SBNO1: variants seen among roughly 807,000 people sequenced by gnomAD.
SBNO1 encodes the protein protein strawberry notch homolog 1.
SBNO1 carries 23 observed loss-of-function variants against 173.6 expected under a neutral mutation model. The observed-to-expected ratio is 0.13, with a 90% CI of 0.10 to 0.19. The LOEUF (loss-of-function observed/expected upper bound fraction) is 0.19, where lower values mean the gene tolerates loss of function less well. Ranked by LOEUF, SBNO1 falls within the 10% of genes least tolerant of loss-of-function variation. SBNO1 has a pLI of 1.00. For missense variants in SBNO1, 1,238 were observed against 1,671.2 expected (o/e 0.74, Z 4.52); for synonymous variants, 632 against 571.5 (o/e 1.11, Z -1.51).
intron 1 of SBNO1, among the ~76,000 whole-genome samples, chr12:123,358,541 C>G (rs1048909293): frequency 4.0e-5 from 6 of 151,694 alleles, no homozygotes; most frequent in Admixed American, 3.3e-4. Context: ...ATCATGAGGT[C>G]AGGAGATAGA....
chr12:123,345,163 G>A (rs1054875425), intron 4 of SBNO1, 95 bp downstream of exon 4: 29 of 1,055,878 alleles, frequency 2.7e-5, no homozygotes, highest in Non-Finnish European at 3.7e-5. Context: ...CCCTTTTATG[G>A]CCAGTTCTTT....
intron 24 of SBNO1, among the ~76,000 whole-genome samples, chr12:123,313,299 TA>T (rs1868849235): frequency 6.7e-6 from 1 of 150,340 alleles, no homozygotes. Flanking sequence ...AATAAATAAA[TA>T]AATAAATAAT....
chr12:123,311,753 T>C (rs1427873380), intron 24 of SBNO1, among the ~76,000 whole-genome samples: 1 of 149,170 alleles, frequency 6.7e-6, no homozygotes, highest in African/African-American at 2.5e-5. Flanking sequence ...TATATATTTT[T>C]GCGACAGAGT....
Position 123,315,400 on chromosome 12 carries a change from A to G in SBNO1, c.3093T>C (p.Asp1031=), listed in dbSNP as rs773314807. ...TATTATCAAAGTTGAACCTGCTCAG[A>G]TCTCTAGATTCTGTTGCCCTTCTAT... ...HGDRRATESR[D]LSRFNFDNKY... Residue 1031 remains aspartate, a synonymous_variant, in exon 23 of 32, where the codon GAT becomes GAC. Transcript: ENST00000602398. 6 of 1,613,028 alleles carry G rather than the reference A, an allele frequency of 3.7e-6. No homozygotes were observed. In the Admixed American group the frequency reaches 1.0e-4, roughly 27 times the overall value.
In SBNO1 at chr12:123,295,043, A is replaced by G. The variant is rs1228974212; in HGVS notation, c.*865T>C. 2.6e-5 allele frequency: 4 copies of G among 152,226 alleles called. No individual in the cohort carries two copies. Among genetic ancestry groups the G allele is most frequent in the Non-Finnish European group, 5.9e-5 (4 of 68,046 alleles). 9.4% of individuals were successfully genotyped at this position (152,226 alleles called of 1,614,324 possible). On this transcript the variant is annotated 3_prime_UTR_variant, in exon 32 of 32. Transcript: ENST00000602398. ...CCAATTTGTACTTCCTTCTAAAACT[A>G]CCTTTAAGTTGCAAATGTAAATTTA... is the stretch of plus-strand genomic sequence containing the variant.
intron 1 of SBNO1, chr12:123,364,350 G>A (rs1362495007): frequency 1.0e-6 from 1 of 985,582 alleles, no homozygotes; most frequent in Non-Finnish European, 1.2e-6. Flanking sequence ...AAGCCAAAGG[G>A]GCGAACCCAG....
Position 123,319,941 on chromosome 12 carries a change from G to C in SBNO1, c.2758C>G (p.Leu920Val). ...AATCGTTGTTTTTCTGTGATGTTTAGTATTTCCACAGGCACATCAAGTTCA... is the reference window on the plus strand; with the variant it reads ...AATCGTTGTTTTTCTGTGATGTTTACTATTTCCACAGGCACATCAAGTTCA... ...RSELDVPVEI[L>V]NITEKQRFMD... The change falls in exon 20 of 32, where the codon CTA becomes GTA. Residue 920 changes from leucine to valine, a missense_variant. Physicochemically the swap from Leu to Val is conservative, Grantham distance 32 (BLOSUM62 1). Transcript: ENST00000602398. 1 of 1,613,768 alleles carries C rather than the reference G, an allele frequency of 6.2e-7. No individual in the cohort carries two copies.
At chr12:123,342,561 AG>A (rs1872691620) in intron 4 of SBNO1, among the ~76,000 whole-genome samples, 1 of 152,242 alleles carries the variant, frequency 6.6e-6, no homozygotes, top group Non-Finnish European at 1.5e-5. Context: ...TATTTCTAGA[AG>A]AAGAAAAATC....
At chr12:123,361,072 C>T (rs1593428609) in intron 1 of SBNO1, among the ~76,000 whole-genome samples, 1 of 152,112 alleles carries the variant, frequency 6.6e-6, no homozygotes, top group South Asian at 2.1e-4. Flanking sequence ...GGTAAAACCT[C>T]GTCTCTGCTA....
intron 1 of SBNO1, among the ~76,000 whole-genome samples, chr12:123,362,487 C>T (rs1875436309): frequency 7.3e-6 from 1 of 137,082 alleles, no homozygotes; most frequent in Admixed American, 7.7e-5. Flanking sequence ...ACGGGGGGGC[C>T]AAGGGCGGTG....
At chr12:123,358,439 T>C (rs764024370) in intron 1 of SBNO1, among the ~76,000 whole-genome samples, 1 of 152,144 alleles carries the variant, frequency 6.6e-6, no homozygotes, top group Non-Finnish European at 1.5e-5. Context: ...TTTGTCACAA[T>C]TTATAAACCA....
At position 123,317,353 on chromosome 12, in the gene SBNO1, T is replaced by G; in HGVS notation, c.2803A>C (p.Ile935Leu). Reference protein sequence around the residue: ...KQRFMDGDKNIAIISEAASSG... With the variant: ...KQRFMDGDKNLAIISEAASSG... Reference sequence around the variant, plus strand: ...CTGGCAGCTTCTGAGATGATAGCAATATTCTGTGTCAAATATAAGAAAAAT... The same window carrying G: ...CTGGCAGCTTCTGAGATGATAGCAAGATTCTGTGTCAAATATAAGAAAAAT... The change falls in exon 21 of 32, where the codon ATT becomes CTT. Residue 935 changes from isoleucine (I) to leucine (L), a missense_variant. Around this residue, in one of 14 missense-constraint regions of SBNO1, gnomAD observed 45 missense variants for 85.5 expected, o/e 0.53. Transcript: ENST00000602398. 1 of 1,613,962 alleles carries G rather than the reference T, an allele frequency of 6.2e-7. No individual in the cohort carries two copies. The highest frequency in any genetic ancestry group is 8.5e-7 in the Non-Finnish European group (1 of 1,179,946).
intron 4 of SBNO1, among the ~76,000 whole-genome samples, chr12:123,341,452 A>T (rs1872555191): frequency 6.6e-6 from 1 of 152,204 alleles, no homozygotes; most frequent in Non-Finnish European, 1.5e-5. Context: ...TGTCTAAAAA[A>T]ATAAAAATAA....
At chr12:123,326,623 G>A (rs1257945012) in intron 13 of SBNO1, among the ~76,000 whole-genome samples, 1 of 152,136 alleles carries the variant, frequency 6.6e-6, no homozygotes, top group Admixed American at 6.5e-5. Flanking sequence ...TGGACAATCT[G>A]AAATATAAGA....
intron 1 of SBNO1, among the ~76,000 whole-genome samples, chr12:123,362,185 C>T (rs1875345299): frequency 6.6e-6 from 1 of 151,214 alleles, no homozygotes; most frequent in East Asian, 1.9e-4. Flanking sequence ...GCCTGCAATC[C>T]CAGCACTTTG....
chr12:123,297,694 C>T (rs1050548729), intron 31 of SBNO1, among the ~76,000 whole-genome samples: 9 of 152,154 alleles, frequency 5.9e-5, no homozygotes, highest in African/African-American at 2.2e-4. Context: ...GAACTGTCTA[C>T]ACACCAGGGA....
At chr12:123,314,475 G>A (rs1332743602) in intron 23 of SBNO1, among the ~76,000 whole-genome samples, 17 of 151,802 alleles carry the variant, frequency 1.1e-4, no homozygotes, top group Non-Finnish European at 1.8e-4. Context: ...GACTACAGGC[G>A]CACACCACCA....
rs544301693 is a variant in SBNO1 at position 123,350,198 on chromosome 12, A to G, written c.132+112T>C. 3.4e-4 allele frequency: 420 copies of G among 1,225,746 alleles called. 1 individual carries two copies. The African/African-American group carries it at 5.9e-3, about 17-fold the overall frequency. 75.9% of individuals were successfully genotyped at this position (1,225,746 alleles called of 1,614,324 possible). On this transcript the variant is annotated intron_variant, in intron 2 of 31. Coordinates refer to ENST00000602398, the MANE Select transcript of SBNO1 (RefSeq NM_001167856.3). ...GAGCCTGGGAGGTTGAGGCTTCAGT[A>G]AGCCATGACTGCACCACTGCACCCC... is the stretch of plus-strand genomic sequence containing the variant.
intron 5 of SBNO1, among the ~76,000 whole-genome samples, chr12:123,337,537 A>G (rs1210112997): frequency 6.6e-6 from 1 of 152,236 alleles, no homozygotes; most frequent in Non-Finnish European, 1.5e-5. Flanking sequence ...TTGCAAATAG[A>G]TAACAAACGT....
Sources: gnomAD v4.1 joint callset for allele counts (sites outside exome capture counted in the v4.1 genomes callset) on GRCh38, gnomAD v4.1.1 for gene constraint, gnomAD v4.1.1 regional missense constraint, MANE v1.5 for transcripts, NCBI Gene and HGNC (gene_info 2026-07-23, HGNC 2026-07-21) for gene names.